Variants in CDH8 observed in about 807,000 individuals in gnomAD.
CDH8 encodes the protein cadherin 8.
Under a neutral mutation model 68.1 loss-of-function variants are expected in CDH8, and 17 were observed. That is an observed-to-expected ratio of 0.25 (90% CI 0.17 to 0.37). The LOEUF (loss-of-function observed/expected upper bound fraction) is 0.37. Ranked by LOEUF, CDH8 falls within the 10% of genes least tolerant of loss-of-function variation. The pLI is 1.00. For synonymous variants in CDH8, 372 were observed against 365.1 expected (o/e 1.02, Z -0.21); for missense variants, 763 against 999.3 (o/e 0.76, Z 3.19).
At chr16:61,933,297 G>A (rs78057926) in intron 2 of CDH8, among the ~76,000 whole-genome samples, 5,693 of 152,278 alleles carry the variant, frequency 0.037, 361 homozygotes, top group African/African-American at 0.13. Context: ...AGAGTGACAA[G>A]AGGAGAGGCT....
At chr16:61,881,968 G>A (rs368626565) in intron 3 of CDH8, among the ~76,000 whole-genome samples, 1 of 152,286 alleles carries the variant, frequency 6.6e-6, no homozygotes, top group South Asian at 2.1e-4. Flanking sequence ...GGCTTCTTTA[G>A]TAATAGAAGC....
intron 10 of CDH8, among the ~76,000 whole-genome samples, chr16:61,677,232 G>A (rs933707220): frequency 1.3e-5 from 2 of 150,374 alleles, no homozygotes; most frequent in South Asian, 4.2e-4. Context: ...GAAAACACAG[G>A]GATCAAGGTA....
chr16:61,747,641 A>T (rs1276109453), intron 8 of CDH8, among the ~76,000 whole-genome samples: 5 of 152,098 alleles, frequency 3.3e-5, no homozygotes, highest in Non-Finnish European at 7.4e-5. Flanking sequence ...ATAATGTCAA[A>T]AAAGAAAAAC....
At chr16:61,901,569 A>G (rs1960007968) in intron 2 of CDH8, 96 bp from the exon 3 acceptor site, 1 of 803,452 alleles carries the variant, frequency 1.2e-6, no homozygotes, top group Admixed American at 2.6e-5. Context: ...TTCTTTTTAC[A>G]TAACATCATC....
chr16:61,858,419 G>C (rs1439100681), intron 3 of CDH8, among the ~76,000 whole-genome samples: 1 of 152,196 alleles, frequency 6.6e-6, no homozygotes, highest in Non-Finnish European at 1.5e-5. Flanking sequence ...AAAAAGTCTG[G>C]TGTGGTAACA....
At chr16:61,840,320 T>A (rs16964003) in intron 4 of CDH8, among the ~76,000 whole-genome samples, 4,438 of 152,220 alleles carry the variant, frequency 0.029, 209 homozygotes, top group African/African-American at 0.1. Flanking sequence ...TTAATGAGCC[T>A]TCCTTGACCA....
In CDH8 at chr16:61,656,063, G is replaced by T. The variant is rs1345576854; in HGVS notation, c.1655-342C>A. Among the ~76,000 whole-genome samples, 3 of 152,068 alleles carry T rather than the reference G, an allele frequency of 2.0e-5. No homozygotes were observed. The East Asian group carries it at 5.8e-4, about 30-fold the overall frequency. On this transcript the variant is annotated intron_variant, in intron 10 of 11. Coordinates refer to ENST00000577390, the MANE Select transcript of CDH8 (RefSeq NM_001796.5). ...AATTTTTTGTATTTTTAGTAGAGAC[G>T]GAGTTTCACCGTGTTAGCCAGGATG...
At chr16:61,931,949 T>G (rs1030951061) in intron 2 of CDH8, among the ~76,000 whole-genome samples, 1 of 152,142 alleles carries the variant, frequency 6.6e-6, no homozygotes, top group African/African-American at 2.4e-5. Context: ...GGCTCACCCC[T>G]GTAATCCCAG....
At chr16:61,674,177 T>C (rs2142784669) in intron 10 of CDH8, among the ~76,000 whole-genome samples, 1 of 152,188 alleles carries the variant, frequency 6.6e-6, no homozygotes, top group Non-Finnish European at 1.5e-5. Context: ...CTACTCTAGA[T>C]CTACCCTAAA....
intron 8 of CDH8, among the ~76,000 whole-genome samples, chr16:61,780,945 T>G (rs1961035104): frequency 6.6e-6 from 1 of 152,218 alleles, no homozygotes; most frequent in South Asian, 2.1e-4. Context: ...TCATCCTTGT[T>G]TGTTCTAAGA....
chr16:61,761,309 A>G (rs982608386), intron 8 of CDH8, among the ~76,000 whole-genome samples: 3 of 152,212 alleles, frequency 2.0e-5, no homozygotes, highest in Admixed American at 6.6e-5. Flanking sequence ...CCATCTTTAC[A>G]GTATAAACAG....
At chr16:61,854,039 T>C (rs561715814) in intron 4 of CDH8, among the ~76,000 whole-genome samples, 3 of 152,092 alleles carry the variant, frequency 2.0e-5, no homozygotes, top group South Asian at 2.1e-4. Context: ...CATATTTACA[T>C]ACACATGTGT....
At chr16:61,738,020 TG>T (rs1485282462) in intron 8 of CDH8, among the ~76,000 whole-genome samples, 5 of 152,146 alleles carry the variant, frequency 3.3e-5, no homozygotes, top group African/African-American at 1.2e-4. Context: ...TTAATCAAAT[TG>T]GGGCTTTAGT....
intron 10 of CDH8, among the ~76,000 whole-genome samples, chr16:61,698,118 C>T (rs941194919): frequency 1.1e-4 from 16 of 152,192 alleles, no homozygotes; most frequent in Admixed American, 7.9e-4. Flanking sequence ...TGTGAAGCTA[C>T]ATGAAATGCA....
chr16:61,835,934 C>T (rs1962559272), intron 4 of CDH8, among the ~76,000 whole-genome samples: 1 of 151,870 alleles, frequency 6.6e-6, no homozygotes, highest in Non-Finnish European at 1.5e-5. Flanking sequence ...AATCTGAATA[C>T]AATTTAGTGA....
intron 8 of CDH8, among the ~76,000 whole-genome samples, chr16:61,755,394 T>G (rs1960285348): frequency 1.3e-5 from 2 of 152,190 alleles, no homozygotes; most frequent in Admixed American, 6.5e-5. Context: ...TATATATTTA[T>G]TAAATGTGTA....
intron 2 of CDH8, among the ~76,000 whole-genome samples, chr16:61,915,710 G>A (rs1964228506): frequency 6.6e-6 from 1 of 152,170 alleles, no homozygotes; most frequent in Non-Finnish European, 1.5e-5. Context: ...CTGCGGCAGG[G>A]AGTGACCTCT....
chr16:61,990,779 A>G (rs1475135570), intron 2 of CDH8, among the ~76,000 whole-genome samples: 1 of 144,922 alleles, frequency 6.9e-6, no homozygotes, highest in African/African-American at 2.5e-5. Flanking sequence ...AGTTATGATC[A>G]TGCCCCTGTA....
intron 8 of CDH8, among the ~76,000 whole-genome samples, chr16:61,767,485 G>C (rs754625152): frequency 6.6e-6 from 1 of 151,804 alleles, no homozygotes; most frequent in African/African-American, 2.4e-5. Context: ...TTGAGGCTTC[G>C]CTGTAGTAAA....
Sources: allele counts gnomAD v4.1 joint callset (sites outside exome capture counted in the v4.1 genomes callset), GRCh38; gene constraint gnomAD v4.1.1; transcripts MANE v1.5; gene names NCBI Gene and HGNC (gene_info 2026-07-23, HGNC 2026-07-21).